IFT43: variants seen among roughly 807,000 people sequenced by gnomAD.
IFT43 encodes intraflagellar transport 43.
A neutral mutation model predicts 32.3 loss-of-function variants in IFT43; 33 were observed. That is an observed-to-expected ratio of 1.02 (90% CI 0.77 to 1.37). The LOEUF (loss-of-function observed/expected upper bound fraction) is 1.37, where lower values mean the gene tolerates loss of function less well. Among genes scored for constraint, IFT43 ranks in the 40% most tolerant of loss-of-function variants. IFT43 has a pLI of 0.00. For synonymous variants in IFT43, 93 were observed against 98.2 expected (o/e 0.95, Z 0.31); for missense variants, 274 against 265.9 (o/e 1.03, Z -0.21).
intron 5 of IFT43, among the ~76,000 whole-genome samples, chr14:76,062,935 A>G (rs530136799): frequency 1.0e-4 from 15 of 149,364 alleles, no homozygotes; most frequent in Middle Eastern, 3.4e-3. Context: ...AAAAAAAAAA[A>G]AAAAAAGAAA....
intron 2 of IFT43, among the ~76,000 whole-genome samples, chr14:76,001,071 A>G (rs2035876035): frequency 6.6e-6 from 1 of 152,122 alleles, no homozygotes; most frequent in African/African-American, 2.4e-5. Context: ...TCCTTTTTTG[A>G]CACATAGACC....
At chr14:75,999,249 A>ATAAATTTATTT (rs1555362908) in intron 2 of IFT43, among the ~76,000 whole-genome samples, 2 of 13,794 alleles carry the variant, frequency 1.4e-4, no homozygotes, top group Non-Finnish European at 1.3e-4. Context: ...ATATATATAT[A>ATAAATTTATTT]TATATATATA....
chr14:76,039,760 C>T (rs1324691762), intron 3 of IFT43, among the ~76,000 whole-genome samples: 1 of 152,124 alleles, frequency 6.6e-6, no homozygotes, highest in Non-Finnish European at 1.5e-5. Flanking sequence ...CTCAGGCACC[C>T]AGTTTCCTCT....
chr14:76,013,641 C>A, intron 2 of IFT43: 1 of 244,638 alleles, frequency 4.1e-6, no homozygotes, highest in Non-Finnish European at 8.4e-6. Context: ...CCTTTAAAAT[C>A]ATATTGCTGG....
intron 2 of IFT43, among the ~76,000 whole-genome samples, chr14:76,012,605 C>T (rs955427067): frequency 1.3e-5 from 2 of 152,222 alleles, no homozygotes; most frequent in Non-Finnish European, 2.9e-5. Flanking sequence ...GGTCCTGCCC[C>T]CTCCGTCCAT....
intron 2 of IFT43, among the ~76,000 whole-genome samples, chr14:76,015,780 T>A (rs2036176338): frequency 6.6e-6 from 1 of 152,220 alleles, no homozygotes; most frequent in South Asian, 2.1e-4. Context: ...AAGCTGATAT[T>A]TTGGGTTTTA....
chr14:76,005,982 T>C (rs1375500877), intron 2 of IFT43, among the ~76,000 whole-genome samples: 3 of 152,026 alleles, frequency 2.0e-5, no homozygotes, highest in Non-Finnish European at 2.9e-5. Flanking sequence ...TCAGATGATA[T>C]TATTGGTGAG....
At chr14:75,992,433 C>T (rs562719312) in intron 2 of IFT43, among the ~76,000 whole-genome samples, 2 of 152,214 alleles carry the variant, frequency 1.3e-5, no homozygotes, top group South Asian at 2.1e-4. Flanking sequence ...TAAAGGGCAC[C>T]GAAGAAAGAG....
chr14:76,023,222 G>A (rs375880201), intron 3 of IFT43, among the ~76,000 whole-genome samples: 69 of 152,336 alleles, frequency 4.5e-4, no homozygotes, highest in African/African-American at 1.6e-3. Flanking sequence ...TCCCTACAGG[G>A]TGATTCAAAG....
At chr14:76,023,593 C>CATG (rs1024491679) in intron 3 of IFT43, among the ~76,000 whole-genome samples, 6 of 152,176 alleles carry the variant, frequency 3.9e-5, no homozygotes, top group African/African-American at 1.2e-4. Context: ...TGGCTATTAT[C>CATG]ATGATGATGA....
chr14:76,002,998 A>C (rs1471958102), intron 2 of IFT43, among the ~76,000 whole-genome samples: 1 of 152,256 alleles, frequency 6.6e-6, no homozygotes, highest in African/African-American at 2.4e-5. Flanking sequence ...CATTGAAATC[A>C]TTAGCTAGGC....
At chr14:75,993,747 CTT>C (rs1415143526) in intron 2 of IFT43, among the ~76,000 whole-genome samples, 1 of 152,150 alleles carries the variant, frequency 6.6e-6, no homozygotes, top group African/African-American at 2.4e-5. Flanking sequence ...GAGCCTGTGA[CTT>C]TTGTTCTCAT....
chr14:76,010,278 C>G (rs887937113), intron 2 of IFT43, among the ~76,000 whole-genome samples: 1 of 152,088 alleles, frequency 6.6e-6, no homozygotes, highest in Non-Finnish European at 1.5e-5. Context: ...TTTTCTGGTC[C>G]CCAGCATATT....
chr14:76,058,891 T>C (rs1448216180), intron 4 of IFT43: 1 of 1,475,952 alleles, frequency 6.8e-7, no homozygotes, highest in Non-Finnish European at 8.9e-7. Context: ...TATCTCCCAC[T>C]GTGTGGTTTT....
intron 5 of IFT43, chr14:76,076,840 C>T: frequency 1.2e-6 from 1 of 853,090 alleles, no homozygotes; most frequent in Non-Finnish European, 1.9e-6. Context: ...CATCCAACAG[C>T]TCACATCTTT....
intron 7 of IFT43, among the ~76,000 whole-genome samples, chr14:76,082,918 A>G (rs2037538874): frequency 6.6e-6 from 1 of 152,142 alleles, no homozygotes; most frequent in African/African-American, 2.4e-5. Flanking sequence ...ACCTGCCTCC[A>G]TGGCTGCCCA....
intron 3 of IFT43, among the ~76,000 whole-genome samples, chr14:76,023,310 A>T (rs1269504950): frequency 6.6e-6 from 1 of 152,182 alleles, no homozygotes; most frequent in Non-Finnish European, 1.5e-5. Flanking sequence ...CTTAGACTAG[A>T]TGCTGATCCC....
intron 2 of IFT43, among the ~76,000 whole-genome samples, chr14:76,014,925 G>GA (rs1340112942): frequency 6.6e-6 from 1 of 152,136 alleles, no homozygotes; most frequent in Non-Finnish European, 1.5e-5. Context: ...CTTCCATTGT[G>GA]GCCTTTTGAG....
At chr14:76,079,277 A>G (rs1227497308) in intron 5 of IFT43, among the ~76,000 whole-genome samples, 1 of 152,256 alleles carries the variant, frequency 6.6e-6, no homozygotes, top group Non-Finnish European at 1.5e-5. Flanking sequence ...ATCACTGGGC[A>G]GGAGAAAATG....
Sources: allele counts gnomAD v4.1 joint callset (sites outside exome capture counted in the v4.1 genomes callset), GRCh38; gene constraint gnomAD v4.1.1; transcripts MANE v1.5; gene names NCBI Gene and HGNC (gene_info 2026-07-23, HGNC 2026-07-21).